UBE3B: variants seen among roughly 807,000 people sequenced by gnomAD.
UBE3B encodes the protein ubiquitin protein ligase E3B.
In UBE3B, 80 loss-of-function variants were observed where a neutral mutation model predicts 132.3. The observed-to-expected ratio is 0.60, with a 90% CI of 0.50 to 0.73. The LOEUF (loss-of-function observed/expected upper bound fraction) is 0.73. UBE3B is among the 30% of genes least tolerant of loss of function. The pLI is 0.00. For synonymous variants in UBE3B, 487 were observed against 520.4 expected, an observed-to-expected ratio of 0.94 and a Z score of 0.87; for missense variants, 1,196 against 1,362.5, an observed-to-expected ratio of 0.88 and a Z score of 1.92.
intron 22 of UBE3B, 53 bp from the exon 23 acceptor site, chr12:109,524,385 T>C (rs1256162034): frequency 1.1e-5 from 18 of 1,606,292 alleles, no homozygotes; most frequent in African/African-American, 2.7e-5. Context: ...TTAAACCTCT[T>C]AAGCACATAG....
rs1314393655 is a variant in UBE3B, at chr12:109,521,597, G to T, written c.2364+46G>T. ...AGAAATGTAAAATAAAATGTTAACGGTACCATGGGCTTCTTCACATACACA... is the reference window on the plus strand; with the variant it reads ...AGAAATGTAAAATAAAATGTTAACGTTACCATGGGCTTCTTCACATACACA... On this transcript the variant is annotated intron_variant, in intron 21 of 27. Coordinates refer to ENST00000342494, the MANE Select transcript of UBE3B (RefSeq NM_130466.4). This position sits in a 1 kb window ranked among gnomAD's most constrained non-coding sequence, Gnocchi z 4.2. The T allele has an allele frequency of 6.7e-7, 1 of 1,482,954 alleles. No individual in the cohort carries two copies. The highest frequency in any genetic ancestry group is 9.1e-7 in the Non-Finnish European group (1 of 1,098,560). 91.9% of individuals were successfully genotyped at this position (1,482,954 alleles called of 1,614,324 possible).
chr12:109,526,699 C>T (rs539155624), intron 24 of UBE3B, among the ~76,000 whole-genome samples: 4 of 152,032 alleles, frequency 2.6e-5, no homozygotes, highest in African/African-American at 9.6e-5. Flanking sequence ...GGTGAAACCC[C>T]GTCTCTACTG....
chr12:109,506,723 A>G (rs1879737650), intron 14 of UBE3B, among the ~76,000 whole-genome samples: 1 of 152,222 alleles, frequency 6.6e-6, no homozygotes, highest in South Asian at 2.1e-4. Flanking sequence ...TAGTTGTAAC[A>G]GTGTTAGACT....
At chr12:109,493,416 T>C (rs536906153) in intron 9 of UBE3B, among the ~76,000 whole-genome samples, 2 of 152,206 alleles carry the variant, frequency 1.3e-5, no homozygotes, top group East Asian at 3.9e-4. Context: ...CCTGGTGTGG[T>C]TGTAATTCAC....
In UBE3B at chr12:109,521,399, A is replaced by G. The variant is rs1396354264; in HGVS notation, c.2254-42A>G. ...TGAAGAGCTGGGCTTGCTCCTTGCAAGGCACTTGACCTCTGCCTCTCCCCG... is the reference window on the plus strand; with the variant it reads ...TGAAGAGCTGGGCTTGCTCCTTGCAGGGCACTTGACCTCTGCCTCTCCCCG... On this transcript the variant is annotated intron_variant, in intron 20 of 27. Transcript: ENST00000342494. The surrounding 1 kb of genome is among the most constrained non-coding windows in gnomAD (Gnocchi z 4.2). 1 of 1,594,152 alleles carries G rather than the reference A, an allele frequency of 6.3e-7. No homozygotes were observed. The highest frequency in any genetic ancestry group is 1.3e-5 in the African/African-American group (1 of 74,682).
At chr12:109,527,797 G>C (rs770028750) in intron 24 of UBE3B, among the ~76,000 whole-genome samples, 1 of 152,202 alleles carries the variant, frequency 6.6e-6, no homozygotes, top group Non-Finnish European at 1.5e-5. Context: ...TTCCTTTAGG[G>C]GGGTGCTTGT....
At chr12:109,490,651 T>C (rs1374254657) in intron 8 of UBE3B, 2 of 1,511,678 alleles carry the variant, frequency 1.3e-6, no homozygotes, top group Non-Finnish European at 1.8e-6. Context: ...ATGATGTCTT[T>C]AAATTTTAAG....
At chr12:109,506,597 C>T (rs777631147) in intron 14 of UBE3B, among the ~76,000 whole-genome samples, 20 of 152,196 alleles carry the variant, frequency 1.3e-4, no homozygotes, top group South Asian at 6.2e-4. Flanking sequence ...ATGATCCACC[C>T]GCCTCAGCCT....
chr12:109,485,411 G>A (rs1002334659), intron 4 of UBE3B, among the ~76,000 whole-genome samples: 9 of 152,236 alleles, frequency 5.9e-5, no homozygotes, highest in Non-Finnish European at 1.2e-4. Context: ...CGTAGATGAG[G>A]ACAGATAAGC....
At chr12:109,512,661 A>G (rs950091791) in intron 18 of UBE3B, among the ~76,000 whole-genome samples, 1 of 152,130 alleles carries the variant, frequency 6.6e-6, no homozygotes, top group Non-Finnish European at 1.5e-5. Flanking sequence ...CATTTTTCAG[A>G]GGTATTTCAT....
chr12:109,492,497 T>A (rs995703310), intron 9 of UBE3B: 4 of 152,234 alleles, frequency 2.6e-5, no homozygotes, highest in African/African-American at 9.6e-5. Context: ...ATCCCAGCAC[T>A]TTGGGAGACT....
chr12:109,507,827 A>G, intron 15 of UBE3B, 92 bp downstream of exon 15: 1 of 1,421,146 alleles, frequency 7.0e-7, no homozygotes, highest in Non-Finnish European at 9.6e-7. Context: ...TAATGTGATT[A>G]CTGCAAACAT....
chr12:109,526,327 C>T (rs1433852307), intron 23 of UBE3B, 31 bp from the exon 24 acceptor site: 6 of 1,611,612 alleles, frequency 3.7e-6, no homozygotes, highest in Non-Finnish European at 5.1e-6. Flanking sequence ...TTAGAGTCCT[C>T]CCTATTAATT....
intron 26 of UBE3B, among the ~76,000 whole-genome samples, chr12:109,531,110 C>T (rs909122090): frequency 6.6e-6 from 1 of 152,202 alleles, no homozygotes; most frequent in African/African-American, 2.4e-5. Context: ...CAGGGACTGT[C>T]TCTCTATACC....
intron 13 of UBE3B, 53 bp from the exon 14 acceptor site, chr12:109,502,970 G>A (rs564475277): frequency 6.2e-7 from 1 of 1,610,628 alleles, no homozygotes; most frequent in African/African-American, 1.3e-5. Flanking sequence ...TCCAGGGTGG[G>A]ATTTGGCAGC....
At chr12:109,506,370 C>T (rs1879679630) in intron 14 of UBE3B, among the ~76,000 whole-genome samples, 1 of 149,784 alleles carries the variant, frequency 6.7e-6, no homozygotes, top group Non-Finnish European at 1.5e-5. Context: ...TTTTTGGAGA[C>T]AGAGTTTCGC....
At position 109,499,646 on chromosome 12, in the gene UBE3B, C is replaced by T. The variant is rs374117870; in HGVS notation, c.954C>T (p.His318=). The change falls in exon 12 of 28, where the codon CAC becomes CAT. Residue 318 remains histidine, a synonymous_variant. Transcript: ENST00000342494. ...CTCTCTCTGTAGGCAACCTCCTACA[C>T]TTGGGCTCCCTCAGCCCCAGAGTGT... ...HTLCLMGNLL[H]LGSLSPRVLE... The T allele has an allele frequency of 1.2e-6, 2 of 1,600,056 alleles. No individual in the cohort carries two copies. The highest frequency in any genetic ancestry group is 1.4e-5 in the African/African-American group (1 of 73,622).
Position 109,524,035 on chromosome 12 carries a change from C to T in UBE3B, c.2422C>T (p.His808Tyr). Residue 808 changes from histidine to tyrosine, a missense_variant, in exon 22 of 28, where the codon CAC becomes TAC. Transcript: ENST00000342494. ...CTTCCTGAGCCAACTGCTTGGGCAC[C>T]ACCACAGCGTCTTCTATAGCTCGGT... is the stretch of plus-strand genomic sequence containing the variant. ...SFFLSQLLGH[H>Y]HSVFYSSVDE... 1 of 1,614,190 alleles carries T rather than the reference C, an allele frequency of 6.2e-7. No individual in the cohort carries two copies. The highest frequency in any genetic ancestry group is 8.5e-7 in the Non-Finnish European group (1 of 1,180,028).
chr12:109,499,465 T>G (rs1179140843), intron 11 of UBE3B, among the ~76,000 whole-genome samples, 168 bp from the exon 12 acceptor site: 1 of 152,216 alleles, frequency 6.6e-6, no homozygotes, highest in East Asian at 1.9e-4. Context: ...TTGGCCCGTT[T>G]CTTACCTTTG....
Sources: gnomAD v4.1 joint callset for allele counts (sites outside exome capture counted in the v4.1 genomes callset) on GRCh38, gnomAD v4.1.1 for gene constraint, Gnocchi (gnomAD v3.1) non-coding constraint, MANE v1.5 for transcripts, NCBI Gene and HGNC (gene_info 2026-07-23, HGNC 2026-07-21) for gene names.